Variants in HHAT observed in about 807,000 individuals in gnomAD.
HHAT encodes hedgehog acyltransferase, also known as protein-cysteine N-palmitoyltransferase HHAT.
HHAT carries 47 observed loss-of-function variants against 70.8 expected under a neutral mutation model. That is an observed-to-expected ratio of 0.66 (90% CI 0.53 to 0.85). The LOEUF (loss-of-function observed/expected upper bound fraction) is 0.85, where lower values mean the gene tolerates loss of function less well. HHAT is among the 40% of genes least tolerant of loss of function. The pLI, the probability that HHAT is intolerant of heterozygous loss-of-function variation, is 0.00. For missense variants in HHAT, 609 were observed against 604.8 expected, an observed-to-expected ratio of 1.01 and a Z score of -0.07; for synonymous variants, 228 against 247.6, an observed-to-expected ratio of 0.92 and a Z score of 0.74.
intron 8 of HHAT, among the ~76,000 whole-genome samples, chr1:210,479,347 C>A (rs2094356063): frequency 6.6e-6 from 1 of 152,106 alleles, no homozygotes; most frequent in South Asian, 2.1e-4. Context: ...TAGAGGAGTC[C>A]CTGCCCTCAG....
intron 11 of HHAT, among the ~76,000 whole-genome samples, chr1:210,640,395 G>C (rs1672753429): frequency 1.3e-5 from 2 of 152,152 alleles, no homozygotes; most frequent in Admixed American, 1.3e-4. Context: ...GAATTGTTTG[G>C]GGCTAAGGGG....
intron 2 of HHAT, among the ~76,000 whole-genome samples, chr1:210,350,559 C>G (rs148405374): frequency 1.3e-4 from 20 of 152,256 alleles, no homozygotes; most frequent in African/African-American, 4.8e-4. Context: ...TTTTAAATTT[C>G]AAATTCTACT....
At chr1:210,374,240 T>G (rs867474847) in intron 3 of HHAT, 3 of 148,766 alleles carry the variant, frequency 2.0e-5, no homozygotes, top group Non-Finnish European at 4.4e-5. Context: ...AGGCGAAAGA[T>G]TTATTCGATC....
intron 8 of HHAT, among the ~76,000 whole-genome samples, chr1:210,480,673 C>A (rs1344197162): frequency 6.6e-6 from 1 of 152,200 alleles, no homozygotes. Flanking sequence ...CCTCTAGAAA[C>A]CTGGCAGCTG....
intron 5 of HHAT, among the ~76,000 whole-genome samples, chr1:210,402,363 A>G (rs1448468496): frequency 6.6e-6 from 1 of 152,190 alleles, no homozygotes; most frequent in Non-Finnish European, 1.5e-5. Flanking sequence ...GTTCCCAAAC[A>G]CTGCCCAACT....
chr1:210,526,367 G>GTTTTGTTTTGTTTTTTTTTTTTTTTTTT, intron 9 of HHAT, among the ~76,000 whole-genome samples: 6 of 142,332 alleles, frequency 4.2e-5, no homozygotes, highest in Non-Finnish European at 9.1e-5. Context: ...AGTGGGTTCT[G>GTTTTGTTTTGTTTTTTTTTTTTTTTTTT]TTTTTTTTTT....
chr1:210,610,266 T>A (rs2148840978), intron 10 of HHAT, among the ~76,000 whole-genome samples: 1 of 152,350 alleles, frequency 6.6e-6, no homozygotes, highest in South Asian at 2.1e-4. Flanking sequence ...ATTTCTCTAA[T>A]GATCAGTGAT....
intron 7 of HHAT, among the ~76,000 whole-genome samples, chr1:210,418,905 C>A (rs1165031093): frequency 1.3e-5 from 2 of 152,022 alleles, no homozygotes; most frequent in East Asian, 3.9e-4. Context: ...TGGTGAGAGA[C>A]ACCTGTAATC....
At chr1:210,512,683 A>C (rs1326549215) in intron 8 of HHAT, among the ~76,000 whole-genome samples, 6 of 151,814 alleles carry the variant, frequency 4.0e-5, no homozygotes, top group African/African-American at 1.2e-4. Flanking sequence ...AAAAAAAAAA[A>C]AAAAAAACCC....
intron 10 of HHAT, among the ~76,000 whole-genome samples, chr1:210,617,385 G>A (rs1667962943): frequency 6.6e-6 from 1 of 152,224 alleles, no homozygotes. Context: ...TAATGTGCTT[G>A]ATGAAGTAGA....
At chr1:210,400,321 G>A in intron 4 of HHAT, 147 bp from the exon 5 acceptor site, 1 of 712,066 alleles carries the variant, frequency 1.4e-6, no homozygotes, top group Non-Finnish European at 2.2e-6. Flanking sequence ...TCCCAGGGCA[G>A]TGATAAGAGT....
Position 210,666,531 on chromosome 1 carries a change from A to G in HHAT, c.1391-7757A>G, listed in dbSNP as rs191323732. The stretch of plus-strand genomic sequence containing the variant: ...AGAGGCTCACTCTGTTGCCCAGGCT[A>G]GAGGTGCAGTGGCACAATTTCGGCT... On this transcript the variant is annotated intron_variant, in intron 11 of 11. Coordinates refer to ENST00000261458, the MANE Select transcript of HHAT (RefSeq NM_018194.6). 1.3e-4 allele frequency among the ~76,000 whole-genome samples: 20 copies of G among 152,230 alleles called. No individual in the cohort carries two copies. In the East Asian group the frequency reaches 2.3e-3, roughly 18 times the overall value.
intron 4 of HHAT, among the ~76,000 whole-genome samples, chr1:210,395,922 A>G (rs1167409133): frequency 6.6e-6 from 1 of 152,208 alleles, no homozygotes; most frequent in Non-Finnish European, 1.5e-5. Context: ...TATGCTAGGC[A>G]CTGTGCTAGA....
At chr1:210,334,173 G>A (rs1292138322) in intron 1 of HHAT, among the ~76,000 whole-genome samples, 3 of 52,024 alleles carry the variant, frequency 5.8e-5, no homozygotes, top group Non-Finnish European at 1.1e-4. Flanking sequence ...CCACTTTAGC[G>A]TGTCATTTTT....
At chr1:210,582,452 G>C (rs768526495) in intron 9 of HHAT, among the ~76,000 whole-genome samples, 1 of 152,140 alleles carries the variant, frequency 6.6e-6, no homozygotes, top group African/African-American at 2.4e-5. Context: ...TTCATACTTT[G>C]TTGGGGTCTG....
intron 7 of HHAT, among the ~76,000 whole-genome samples, chr1:210,425,993 TTGTTTTGTA>T (rs748375565): frequency 1.3e-5 from 2 of 152,218 alleles, no homozygotes; most frequent in Non-Finnish European, 2.9e-5. Context: ...GTTCTTCCAT[TTGTTTTGTA>T]TCATCTCTGG....
chr1:210,612,151 T>C (rs1337332580), intron 10 of HHAT, among the ~76,000 whole-genome samples: 1 of 152,206 alleles, frequency 6.6e-6, no homozygotes, highest in East Asian at 1.9e-4. Context: ...GGCCTGTTAA[T>C]GTTTTCATTG....
At chr1:210,511,509 G>A (rs1160471354) in intron 8 of HHAT, among the ~76,000 whole-genome samples, 1 of 152,154 alleles carries the variant, frequency 6.6e-6, no homozygotes, top group African/African-American at 2.4e-5. Context: ...GAGGTACCAG[G>A]CATGATGGGA....
At chr1:210,449,339 C>A (rs562290333) in intron 7 of HHAT, among the ~76,000 whole-genome samples, 62 of 148,254 alleles carry the variant, frequency 4.2e-4, no homozygotes, top group African/African-American at 1.3e-3. Flanking sequence ...ATATAATTTT[C>A]TTATTTGATT....
Sources: gnomAD v4.1 joint callset for allele counts (sites outside exome capture counted in the v4.1 genomes callset) on GRCh38, gnomAD v4.1.1 for gene constraint, MANE v1.5 for transcripts, NCBI Gene and HGNC (gene_info 2026-07-23, HGNC 2026-07-21) for gene names.